RNF25: variants seen among roughly 807,000 people sequenced by gnomAD.
RNF25 encodes the protein ring finger protein 25, also known as E3 ubiquitin-protein ligase RNF25.
Under a neutral mutation model 65.0 loss-of-function variants are expected in RNF25, and 32 were observed. The observed-to-expected ratio is 0.49, with a 90% CI of 0.37 to 0.66. The LOEUF is 0.66. Ranked by LOEUF, RNF25 falls within the 30% of genes least tolerant of loss-of-function variation. RNF25 has a pLI of 0.00. For synonymous variants in RNF25, 207 were observed against 221.2 expected (o/e 0.94, Z 0.57); for missense variants, 493 against 584.8 (o/e 0.84, Z 1.62).
Position 218,666,249 on chromosome 2 carries a change from G to T in RNF25, c.358-19C>A, listed in dbSNP as rs1404100335. On this transcript the variant is annotated intron_variant, in intron 5 of 9. Transcript: ENST00000295704. ...TCCCTTTCTGAGGAGAGAAGACACTGATTAAACGGGGGTAGGGGGAAGAAC... is the reference window on the plus strand; with the variant it reads ...TCCCTTTCTGAGGAGAGAAGACACTTATTAAACGGGGGTAGGGGGAAGAAC... The T allele has an allele frequency of 1.3e-6, 2 of 1,599,882 alleles. No individual in the cohort carries two copies. The highest frequency in any genetic ancestry group is 1.7e-5 in the Admixed American group (1 of 59,588).
chr2:218,668,045 C>T (rs1198577961), intron 4 of RNF25, 34 bp downstream of exon 4: 1 of 1,613,226 alleles, frequency 6.2e-7, no homozygotes, highest in South Asian at 1.1e-5. Flanking sequence ...AAAGCTGTAG[C>T]TGAGTTTTCC....
chr2:218,665,008 C>T (rs185651202), intron 8 of RNF25, 135 bp from the exon 9 acceptor site: 21 of 1,458,268 alleles, frequency 1.4e-5, no homozygotes, highest in African/African-American at 2.8e-5. Flanking sequence ...CTTAGGCTCC[C>T]GCCAGTGGGG....
intron 5 of RNF25, among the ~76,000 whole-genome samples, chr2:218,666,696 G>A (rs748630298): frequency 6.6e-6 from 1 of 152,200 alleles, no homozygotes; most frequent in Non-Finnish European, 1.5e-5. Context: ...GAGTTGGGCT[G>A]TGAACTATGC....
chr2:218,665,604 G>T (rs1038240110), intron 7 of RNF25, among the ~76,000 whole-genome samples: 1 of 151,918 alleles, frequency 6.6e-6, no homozygotes, highest in Non-Finnish European at 1.5e-5. Flanking sequence ...TCAGCTGGGC[G>T]TGGTGGCTCG....
At chr2:218,666,263 A>G in intron 5 of RNF25, 33 bp from the exon 6 acceptor site, 2 of 1,576,582 alleles carry the variant, frequency 1.3e-6, no homozygotes, top group Non-Finnish European at 1.7e-6. Context: ...AAACGGGGGT[A>G]GGGGGAAGAA....
In RNF25 at chr2:218,664,439, C is replaced by A. The variant is rs140256402; in HGVS notation, c.898G>T (p.Val300Phe). Residue 300 changes from valine (V) to phenylalanine (F), a missense_variant, in exon 10 of 10, where the codon GTC (valine) becomes TTC (phenylalanine). Transcript: ENST00000295704. The surrounding 1 kb of genome is among the most constrained non-coding windows in gnomAD (Gnocchi z 5.1). ...AGAGGAGGTGGCAAAGTGGATTGGA[C>A]GGCTGGTGAGGTGGATAGTTCTGCT... ...LAAELSTSPA[V>F]QSTLPPPLPV... is the part of the protein sequence containing the mutation. The A allele has an allele frequency of 1.9e-6, 3 of 1,614,142 alleles. No homozygotes were observed.
chr2:218,670,565 G>A (rs550357756), intron 1 of RNF25, among the ~76,000 whole-genome samples: 12 of 151,194 alleles, frequency 7.9e-5, no homozygotes, highest in East Asian at 2.0e-4. Flanking sequence ...GTGTGGTGGC[G>A]GGCGCCTGTA....
chr2:218,666,255 A>C, intron 5 of RNF25, 25 bp from the exon 6 acceptor site: 1 of 1,594,074 alleles, frequency 6.3e-7, no homozygotes, highest in Non-Finnish European at 8.6e-7. Context: ...CACTGATTAA[A>C]CGGGGGTAGG....
In RNF25 at chr2:218,666,243, G is replaced by A; in HGVS notation, c.358-13C>T. 1.9e-6 allele frequency: 3 copies of A among 1,608,186 alleles called. No individual in the cohort carries two copies. Among genetic ancestry groups the A allele is most frequent in the Non-Finnish European group, 2.6e-6 (3 of 1,175,066 alleles). On this transcript the variant is annotated splice_polypyrimidine_tract_variant and intron_variant, in intron 5 of 9. Transcript: ENST00000295704. ...TTTCCTTCCCTTTCTGAGGAGAGAAGACACTGATTAAACGGGGGTAGGGGG... is the reference window on the plus strand; with the variant it reads ...TTTCCTTCCCTTTCTGAGGAGAGAAAACACTGATTAAACGGGGGTAGGGGG...
At chr2:218,667,683 G>A (rs1326822337) in intron 5 of RNF25, among the ~76,000 whole-genome samples, 1 of 152,198 alleles carries the variant, frequency 6.6e-6, no homozygotes, top group Non-Finnish European at 1.5e-5. Context: ...AAGGTGAAGA[G>A]GAAAAGTCAT....
At position 218,664,992 on chromosome 2, in the gene RNF25, C is replaced by A; in HGVS notation, c.667-119G>T. Reference sequence around the variant, plus strand: ...GTTTTGCCCCTCAGGTCTGGGCTCCCAGAGTCTTAGGCTCCCGCCAGTGGG... The same window carrying A: ...GTTTTGCCCCTCAGGTCTGGGCTCCAAGAGTCTTAGGCTCCCGCCAGTGGG... On this transcript the variant is annotated intron_variant, in intron 8 of 9. Transcript: ENST00000295704. The surrounding 1 kb of genome is among the most constrained non-coding windows in gnomAD (Gnocchi z 5.1). 6.7e-7 allele frequency: 1 copy of A among 1,501,854 alleles called. No homozygotes were observed. The highest frequency in any genetic ancestry group is 1.4e-5 in the African/African-American group (1 of 72,084). The allele number at this position is 1,501,854 out of a possible 1,614,324, so 93.0% of individuals were successfully genotyped here. A position where few individuals can be genotyped will look rare whatever the true frequency, so the allele number is the denominator to read the frequency against.
Position 218,664,513 on chromosome 2 carries a change from TCAGGTTCCG to T in RNF25, c.815_823del (p.Ala272_Pro274del). The T allele has an allele frequency of 6.2e-7, 1 of 1,613,372 alleles. No homozygotes were observed. The highest frequency in any genetic ancestry group is 8.5e-7 in the Non-Finnish European group (1 of 1,179,658). ...TCCTTTGGAGACATCTACAGCTGAC[TCAGGTTCCG>T]CAGGGGCAGGAGGCTAGAAATAAGT... On this transcript the variant is annotated inframe_deletion, in exon 10 of 10. Coordinates refer to ENST00000295704, the MANE Select transcript of RNF25 (RefSeq NM_022453.3). The surrounding 1 kb of genome is among the most constrained non-coding windows in gnomAD (Gnocchi z 5.1).
Position 218,668,698 on chromosome 2 carries a change from A to G in RNF25, c.42-19T>C. On this transcript the variant is annotated intron_variant, in intron 1 of 9. Coordinates refer to ENST00000295704, the MANE Select transcript of RNF25 (RefSeq NM_022453.3). ...AAGGACCCTAGAGAGACAGGAGTAG[A>G]CTAACTTACCATTACAGCTCTCCCT... 6.4e-7 allele frequency: 1 copy of G among 1,552,594 alleles called. No homozygotes were observed. The highest frequency in any genetic ancestry group is 1.1e-5 in the South Asian group (1 of 89,770).
rs1939818892 is a variant in RNF25 at position 218,666,011 on chromosome 2, G to A, written c.478C>T (p.His160Tyr). 7.4e-6 allele frequency: 12 copies of A among 1,614,150 alleles called. No homozygotes were observed. Among genetic ancestry groups the A allele is most frequent in the Non-Finnish European group, 9.3e-6 (11 of 1,180,018 alleles). ...TGCTGGATGTACCGAGCAAGGCAGT[G>A]GCAGTGGAAGTAGTGGTAACAGGGT... ...KTPCYHYFHCHCLARYIQHME... is the reference protein window; with the variant it reads ...KTPCYHYFHCYCLARYIQHME... Residue 160 changes from histidine to tyrosine, a missense_variant, in exon 7 of 10, where the codon CAC becomes TAC. Transcript: ENST00000295704.
rs1168759283 is a variant in RNF25 at position 218,664,550 on chromosome 2, C to T, written c.802-15G>A. 2 of 1,607,784 alleles carry T rather than the reference C, an allele frequency of 1.2e-6. No individual in the cohort carries two copies. Among genetic ancestry groups the T allele is most frequent in the Admixed American group, 3.3e-5 (2 of 59,860 alleles). ...GGGGCAGGAGGCTAGAAATAAGTGACAAGATGCAGTGAGGGAGATGCAGTT... is the reference window on the plus strand; with the variant it reads ...GGGGCAGGAGGCTAGAAATAAGTGATAAGATGCAGTGAGGGAGATGCAGTT... On this transcript the variant is annotated splice_polypyrimidine_tract_variant and intron_variant, in intron 9 of 9. Coordinates refer to ENST00000295704, the MANE Select transcript of RNF25 (RefSeq NM_022453.3). This position sits in a 1 kb window ranked among gnomAD's most constrained non-coding sequence, Gnocchi z 5.1.
Position 218,665,009 on chromosome 2 carries a change from G to A in RNF25, c.667-136C>T, listed in dbSNP as rs151324963. On this transcript the variant is annotated intron_variant, in intron 8 of 9. Coordinates refer to ENST00000295704, the MANE Select transcript of RNF25 (RefSeq NM_022453.3). ...TGGGCTCCCAGAGTCTTAGGCTCCC[G>A]CCAGTGGGGGATGTGGCTTTGCAGA... 630 of 1,450,036 alleles carry A rather than the reference G, an allele frequency of 4.3e-4. 3 individuals carry two copies. The African/African-American group carries it at 7.8e-3, about 18-fold the overall frequency. The allele number at this position is 1,450,036 out of a possible 1,614,324, so 89.8% of individuals were successfully genotyped here.
In RNF25 at chr2:218,664,215, A is replaced by G. The variant is rs1161542417; in HGVS notation, c.1122T>C (p.Pro374=). 1 of 1,597,452 alleles carries G rather than the reference A, an allele frequency of 6.3e-7. No homozygotes were observed. The highest frequency in any genetic ancestry group is 1.4e-5 in the African/African-American group (1 of 74,038). The change falls in exon 10 of 10, where the codon CCT becomes CCC. Residue 374 remains proline (P), a synonymous_variant. Transcript: ENST00000295704. The surrounding 1 kb of genome is among the most constrained non-coding windows in gnomAD (Gnocchi z 5.1). The part of the protein sequence containing the change: ...KGTRDTQELP[P]PEGPLKEPMD... ...TGGGCTCCTTGAGGGGCCCCTCAGG[A>G]GGTGGCAGTTCCTGGGTGTCACGGG...
Position 218,667,943 on chromosome 2 carries a change from A to G in RNF25, c.326T>C (p.Leu109Pro), listed in dbSNP as rs748736057. The change falls in exon 5 of 10, where the codon CTG becomes CCG. Residue 109 changes from leucine to proline, a missense_variant. Physicochemically the swap from Leu to Pro is moderately conservative, Grantham distance 98. Coordinates refer to ENST00000295704, the MANE Select transcript of RNF25 (RefSeq NM_022453.3). ...QVLGHVAKAG[L>P]GTAMLYELIE... is the part of the protein sequence containing the mutation. ...GAGTTCATACAGCATGGCAGTGCCCAGCCCAGCCTTGGCCACGTGGCCCAG... is the reference window on the plus strand; with the variant it reads ...GAGTTCATACAGCATGGCAGTGCCCGGCCCAGCCTTGGCCACGTGGCCCAG... 6.2e-7 allele frequency: 1 copy of G among 1,614,214 alleles called. No homozygotes were observed. The highest frequency in any genetic ancestry group is 8.5e-7 in the Non-Finnish European group (1 of 1,180,034).
At chr2:218,665,875 C>G in intron 7 of RNF25, 41 bp downstream of exon 7, 1 of 1,590,544 alleles carries the variant, frequency 6.3e-7, no homozygotes, top group Non-Finnish European at 8.6e-7. Flanking sequence ...AAGGCTGTGC[C>G]TAAGGGTGTC....
Sources: allele counts gnomAD v4.1 joint callset (sites outside exome capture counted in the v4.1 genomes callset), GRCh38; gene constraint gnomAD v4.1.1; non-coding constraint Gnocchi (gnomAD v3.1); transcripts MANE v1.5; gene names NCBI Gene and HGNC (gene_info 2026-07-23, HGNC 2026-07-21).